B3GALT9: variants seen among roughly 807,000 people sequenced by gnomAD.
The protein encoded by B3GALT9 is UDP-GlcNAc:betaGal beta-1,3-N-acetylglucosaminyltransferase 10 (putative).
At position 120,793,692 on chromosome 9, in the gene B3GALT9, TTTC is replaced by T. The variant is rs2044908240; in HGVS notation, c.-409_-407del. 2.5e-6 allele frequency: 1 copy of T among 398,740 alleles called. No homozygotes were observed. The allele number at this position is 398,740 out of a possible 1,614,324, so 24.7% of individuals were successfully genotyped here. On this transcript the variant is annotated 5_prime_UTR_variant, in exon 1 of 3. Transcript: ENST00000689072. Reference sequence around the variant, plus strand: ...ATCTTGCACCAGCTCTGCAGTAGTTTTTCTTATTATCCTCATTTTACGGAGGAG... The same window carrying T: ...ATCTTGCACCAGCTCTGCAGTAGTTTTTATTATCCTCATTTTACGGAGGAG...
At chr9:120,797,481 G>C (rs2044947472) in intron 2 of B3GALT9, among the ~76,000 whole-genome samples, 1 of 151,978 alleles carries the variant, frequency 6.6e-6, no homozygotes, top group Admixed American at 6.6e-5. Flanking sequence ...ACTCCAGCCT[G>C]GGTGACAGAG....
chr9:120,800,418 C>T lies in B3GALT9; in HGVS notation c.*740C>T, dbSNP rs1233340890. ...ACAGGTGTGAGCCACCACGCCTGGCCTAATTTTTGTATTTTTTTATAGAGA... is the reference window on the plus strand; with the variant it reads ...ACAGGTGTGAGCCACCACGCCTGGCTTAATTTTTGTATTTTTTTATAGAGA... On this transcript the variant is annotated 3_prime_UTR_variant, in exon 3 of 3. Coordinates refer to ENST00000689072, the MANE Select transcript of B3GALT9 (RefSeq NM_001386823.1). Among the ~76,000 whole-genome samples, 3 of 151,684 alleles carry T rather than the reference C, an allele frequency of 2.0e-5. No homozygotes were observed. Among genetic ancestry groups the T allele is most frequent in the South Asian group, 2.1e-4 (1 of 4,806 alleles).
At position 120,796,931 on chromosome 9, in the gene B3GALT9, C is replaced by T. The variant is rs188171092; in HGVS notation, c.6+322C>T. Among the ~76,000 whole-genome samples the T allele has an allele frequency of 2.1e-4, 32 of 152,132 alleles. No individual in the cohort carries two copies. In the East Asian group the frequency reaches 6.2e-3, roughly 29 times the overall value. ...AATTAGCTGGGAGTGGTGGTGCATG[C>T]CTGTAATCCCAGCTACTTGGGAGGC... On this transcript the variant is annotated intron_variant, in intron 2 of 2. Transcript: ENST00000689072.
rs1320228302 is a variant in B3GALT9, at chr9:120,799,714, A to G, written c.*36A>G. The G allele has an allele frequency of 7.5e-6, 3 of 398,338 alleles. No homozygotes were observed. The highest frequency in any genetic ancestry group is 1.3e-5 in the Non-Finnish European group (3 of 226,058). The allele number at this position is 398,338 out of a possible 1,614,324, so 24.7% of individuals were successfully genotyped here. ...ATTTTCCTTATGAGTCTACTATTTT[A>G]AAGTTACCTTCTACCCTGTTATGGA... On this transcript the variant is annotated 3_prime_UTR_variant, in exon 3 of 3. Transcript: ENST00000689072.
chr9:120,799,143 G>GCTTGACAAGA lies in B3GALT9; in HGVS notation c.579_580insACAAGACTTG (p.Val194ThrfsTer30). The GCTTGACAAGA allele has an allele frequency of 2.5e-6, 1 of 398,932 alleles. No homozygotes were observed. Among genetic ancestry groups the GCTTGACAAGA allele is most frequent in the Non-Finnish European group, 4.4e-6 (1 of 226,068 alleles). The allele number at this position is 398,932 out of a possible 1,614,324, so 24.7% of individuals were successfully genotyped here. On this transcript the variant is annotated frameshift_variant, in exon 3 of 3. Coordinates refer to ENST00000689072, the MANE Select transcript of B3GALT9 (RefSeq NM_001386823.1). LOFTEE classifies it high-confidence loss of function. ...GAAGAGACGTTTGTCAATCTACCAA[G>GCTTGACAAGA]CTTGGTAGACTATCTTCTCAATCTG...
intron 2 of B3GALT9, among the ~76,000 whole-genome samples, chr9:120,798,171 A>T (rs936168507): frequency 6.6e-6 from 1 of 152,254 alleles, no homozygotes; most frequent in East Asian, 1.9e-4. Flanking sequence ...AAGAAAGAAC[A>T]TCATGTATTT....
At chr9:120,795,880 A>G (rs531432162) in intron 1 of B3GALT9, among the ~76,000 whole-genome samples, 1 of 152,234 alleles carries the variant, frequency 6.6e-6, no homozygotes, top group Non-Finnish European at 1.5e-5. Flanking sequence ...AGAAAACATC[A>G]AATGTTTAGT....
intron 2 of B3GALT9, among the ~76,000 whole-genome samples, chr9:120,797,182 GAT>G (rs2044945294): frequency 6.6e-6 from 1 of 151,922 alleles, no homozygotes; most frequent in Non-Finnish European, 1.5e-5. Context: ...GATAAGTAAA[GAT>G]AGGAATTGTG....
Position 120,799,230 on chromosome 9 carries a change from A to T in B3GALT9, c.662A>T (p.Asp221Val), listed in dbSNP as rs1403839051. 1 of 399,182 alleles carries T rather than the reference A, an allele frequency of 2.5e-6. No homozygotes were observed. The highest frequency in any genetic ancestry group is 6.3e-4 in the Middle Eastern group (1 of 1,590). 24.7% of individuals were successfully genotyped at this position (399,182 alleles called of 1,614,324 possible). A position where few individuals can be genotyped will look rare whatever the true frequency, so the allele number is the denominator to read the frequency against. Reference sequence around the variant, plus strand: ...CTTCATCAGGTTACACCCAATAGAGATCCTCAGAACAGAGACTTTGTCCCT... The same window carrying T: ...CTTCATCAGGTTACACCCAATAGAGTTCCTCAGAACAGAGACTTTGTCCCT... ...RVLHQVTPNR[D>V]PQNRDFVPLS... The change falls in exon 3 of 3, where the codon GAT becomes GTT. Residue 221 changes from aspartate to valine, a missense_variant. Transcript: ENST00000689072.
rs906770436 is a variant in B3GALT9, at chr9:120,793,847, C to T, written c.-257C>T. The T allele has an allele frequency of 7.7e-6, 3 of 390,046 alleles. No individual in the cohort carries two copies. Among genetic ancestry groups the T allele is most frequent in the African/African-American group, 2.1e-5 (1 of 48,390 alleles). The allele number at this position is 390,046 out of a possible 1,614,324, so 24.2% of individuals were successfully genotyped here. A position where few individuals can be genotyped will look rare whatever the true frequency, so the allele number is the denominator to read the frequency against. On this transcript the variant is annotated 5_prime_UTR_variant, in exon 1 of 3. Transcript: ENST00000689072. ...AACAAAAAACGCAAAAGCCCCTGAC[C>T]GCCTGGGCCTTACATCTATTAGGAG...
At chr9:120,797,323 T>C (rs1442888040) in intron 2 of B3GALT9, among the ~76,000 whole-genome samples, 2 of 151,804 alleles carry the variant, frequency 1.3e-5, no homozygotes, top group Non-Finnish European at 2.9e-5. Context: ...CTGGCCAACA[T>C]TGCAAAACCC....
At position 120,798,877 on chromosome 9, in the gene B3GALT9, T is replaced by C. The variant is rs1032994111; in HGVS notation, c.309T>C (p.Ile103=). The C allele has an allele frequency of 2.3e-5, 9 of 398,998 alleles. No individual in the cohort carries two copies. Among genetic ancestry groups the C allele is most frequent in the Middle Eastern group, 6.2e-4 (1 of 1,610 alleles). 24.7% of individuals were successfully genotyped at this position (398,998 alleles called of 1,614,324 possible). ...SPGNGTRRDL[I]RKTWGNVTSV... ...GAAATGGAACAAGACGGGACCTCAT[T>C]AGGAAAACTTGGGGCAATGTGACCA... is the stretch of plus-strand genomic sequence containing the variant. Residue 103 remains isoleucine, a synonymous_variant, in exon 3 of 3, where the codon ATT becomes ATC. Coordinates refer to ENST00000689072, the MANE Select transcript of B3GALT9 (RefSeq NM_001386823.1).
chr9:120,799,360 A>G lies in B3GALT9; in HGVS notation c.792A>G (p.Val264=). The G allele has an allele frequency of 7.5e-6, 3 of 399,234 alleles. No homozygotes were observed. Among genetic ancestry groups the G allele is most frequent in the Non-Finnish European group, 1.3e-5 (3 of 226,160 alleles). 24.7% of individuals were successfully genotyped at this position (399,234 alleles called of 1,614,324 possible). The change falls in exon 3 of 3, where the codon GTA becomes GTG. Residue 264 remains valine, a synonymous_variant. Transcript: ENST00000689072. ...ARMMYVVFKE[V]PMMVPADVFV... Reference sequence around the variant, plus strand: ...TGATGTATGTGGTTTTCAAAGAAGTACCCATGATGGTGCCAGCTGATGTGT... The same window carrying G: ...TGATGTATGTGGTTTTCAAAGAAGTGCCCATGATGGTGCCAGCTGATGTGT...
At chr9:120,797,708 C>T (rs1365028239) in intron 2 of B3GALT9, among the ~76,000 whole-genome samples, 3 of 152,174 alleles carry the variant, frequency 2.0e-5, no homozygotes, top group East Asian at 1.9e-4. Flanking sequence ...AAGTGCTTAT[C>T]GCAATGCCTG....
Position 120,801,130 on chromosome 9 carries a change from T to C in B3GALT9, c.*1452T>C, listed in dbSNP as rs1454734157. On this transcript the variant is annotated 3_prime_UTR_variant, in exon 3 of 3. Transcript: ENST00000689072. ...ATTCATGCACTGGTGGACACTTAGA[T>C]AGATGCCACTAATCTTGTGAATAAT... Among the ~76,000 whole-genome samples the C allele has an allele frequency of 2.0e-5, 3 of 152,252 alleles. No homozygotes were observed. Among genetic ancestry groups the C allele is most frequent in the African/African-American group, 7.2e-5 (3 of 41,470 alleles).
At chr9:120,794,372 CTG>C in intron 1 of B3GALT9, among the ~76,000 whole-genome samples, 1 of 151,432 alleles carries the variant, frequency 6.6e-6, no homozygotes, top group South Asian at 2.1e-4. Context: ...ACGTATCACT[CTG>C]TCGCCCAGGC....
chr9:120,795,432 T>G (rs1465511420), intron 1 of B3GALT9, among the ~76,000 whole-genome samples: 1 of 152,200 alleles, frequency 6.6e-6, no homozygotes, highest in African/African-American at 2.4e-5. Flanking sequence ...GGAGCAAAAT[T>G]CATGACTATA....
At chr9:120,795,035 T>G (rs1172404817) in intron 1 of B3GALT9, among the ~76,000 whole-genome samples, 4 of 152,166 alleles carry the variant, frequency 2.6e-5, no homozygotes, top group Non-Finnish European at 5.9e-5. Flanking sequence ...TTAGGGTACT[T>G]GAAACATGGG....
At position 120,799,257 on chromosome 9, in the gene B3GALT9, T is replaced by C. The variant is rs1167760172; in HGVS notation, c.689T>C (p.Leu230Pro). The C allele has an allele frequency of 5.0e-6, 2 of 399,222 alleles. No homozygotes were observed. Among genetic ancestry groups the C allele is most frequent in the African/African-American group, 4.1e-5 (2 of 48,612 alleles). 24.7% of individuals were successfully genotyped at this position (399,222 alleles called of 1,614,324 possible). Residue 230 changes from leucine to proline, a missense_variant, in exon 3 of 3, where the codon CTT becomes CCT. Transcript: ENST00000689072. The stretch of plus-strand genomic sequence containing the variant: ...CCTCAGAACAGAGACTTTGTCCCTC[T>C]TAGTGAGTACCCAGAAAAATACTAC... ...RDPQNRDFVP[L>P]SEYPEKYYPD...
Sources: allele counts gnomAD v4.1 joint callset (sites outside exome capture counted in the v4.1 genomes callset), GRCh38; gene constraint gnomAD v4.1.1; transcripts MANE v1.5; gene names NCBI Gene and HGNC (gene_info 2026-07-23, HGNC 2026-07-21).